The following SGCE variants were observed in gnomAD, a reference collection of about 807,000 sequenced individuals.
SGCE encodes epsilon-sarcoglycan.
In SGCE, 26 loss-of-function variants were observed where a neutral mutation model predicts 57.8. The ratio of observed to expected loss-of-function variants is 0.45; its 90% confidence interval spans 0.33 to 0.62. SGCE has a LOEUF of 0.62. Ranked by LOEUF, SGCE falls within the 20% of genes least tolerant of loss-of-function variation. The pLI, the probability that SGCE is intolerant of heterozygous loss-of-function variation, is 0.02. For missense variants in SGCE, 468 were observed against 548.6 expected (o/e 0.85, Z 1.47); for synonymous variants, 183 against 189.5 (o/e 0.97, Z 0.28).
Position 94,598,963 on chromosome 7 carries a change from G to A in SGCE, c.1065C>T (p.Asp355=), listed in dbSNP as rs886062520. The change falls in exon 9 of 11, where the codon GAC becomes GAT. Residue 355 remains aspartate, a splice_region_variant and synonymous_variant. Coordinates refer to ENST00000648936, the MANE Select transcript of SGCE (RefSeq NM_003919.3). ...GVEKRNMQTP[D]IQLVHHSAIQ... ...TAGCACTGTGATGGACCAGTTGGAT[G>A]CTAGGTCAAAAAGAAATAAAACAAC... 11 of 1,611,938 alleles carry A rather than the reference G, an allele frequency of 6.8e-6. No homozygotes were observed. Among genetic ancestry groups the A allele is most frequent in the Admixed American group, 3.3e-5 (2 of 59,936 alleles).
intron 1 of SGCE, among the ~76,000 whole-genome samples, chr7:94,651,062 C>T (rs1364971611): frequency 6.6e-6 from 1 of 152,178 alleles, no homozygotes; most frequent in East Asian, 1.9e-4. Flanking sequence ...GGACACTATA[C>T]TACTACCAGA....
chr7:94,595,690 TA>T (rs2116639619), intron 9 of SGCE, among the ~76,000 whole-genome samples: 1 of 152,228 alleles, frequency 6.6e-6, no homozygotes, highest in Non-Finnish European at 1.5e-5. Context: ...TTTTAAAACA[TA>T]GCTGTTTTTC....
At chr7:94,623,039 A>G (rs1055729919) in intron 4 of SGCE, among the ~76,000 whole-genome samples, 6 of 152,128 alleles carry the variant, frequency 3.9e-5, no homozygotes, top group Non-Finnish European at 7.4e-5. Context: ...CCCCACACTT[A>G]TAAGAGAAAT....
intron 3 of SGCE, chr7:94,626,178 T>G (rs893600432): frequency 1.3e-5 from 2 of 152,100 alleles, no homozygotes; most frequent in Non-Finnish European, 2.9e-5. Flanking sequence ...TTAGATACTC[T>G]TAGTCAGCTA....
chr7:94,651,939 T>TA (rs1261133865), intron 1 of SGCE, among the ~76,000 whole-genome samples: 1 of 147,416 alleles, frequency 6.8e-6, no homozygotes, highest in Non-Finnish European at 1.5e-5. Flanking sequence ...TCTTTATTAT[T>TA]TTTTTTTTTT....
At chr7:94,585,586 C>A (rs1288302832) in intron 10 of SGCE, 71 bp from the exon 11 acceptor site, 4 of 947,000 alleles carry the variant, frequency 4.2e-6, no homozygotes, top group Non-Finnish European at 7.0e-6. Context: ...TTGAGCAAAG[C>A]AAATTATGGC....
intron 4 of SGCE, chr7:94,620,251 G>A (rs529910590): frequency 2.0e-5 from 3 of 152,184 alleles, no homozygotes; most frequent in East Asian, 1.9e-4. Flanking sequence ...AGAAACTAAC[G>A]CTTCAGAATT....
intron 1 of SGCE, among the ~76,000 whole-genome samples, chr7:94,651,670 C>A (rs544207799): frequency 2.6e-5 from 4 of 152,130 alleles, no homozygotes; most frequent in Non-Finnish European, 5.9e-5. Flanking sequence ...AGAAGGGATA[C>A]AACATCAATG....
rs182827365 is a variant in SGCE at position 94,603,651 on chromosome 7, C to T, written c.663-199G>A. 3.3e-5 allele frequency among the ~76,000 whole-genome samples: 5 copies of T among 152,152 alleles called. No homozygotes were observed. In the East Asian group the frequency reaches 5.8e-4, roughly 18 times the overall value. On this transcript the variant is annotated intron_variant, in intron 5 of 10. Coordinates refer to ENST00000648936, the MANE Select transcript of SGCE (RefSeq NM_003919.3). The stretch of plus-strand genomic sequence containing the variant: ...CATTCCTTTATTCAACCAATATTTA[C>T]TGAGTGCTTTGGTATACCAGATACT...
At chr7:94,628,486 A>G (rs553339656) in intron 2 of SGCE, 127 bp from the exon 3 acceptor site, 1 of 684,342 alleles carries the variant, frequency 1.5e-6, no homozygotes, top group African/African-American at 1.8e-5. Context: ...ATACACACAT[A>G]CAAAACCCAT....
intron 10 of SGCE, among the ~76,000 whole-genome samples, chr7:94,586,128 T>C (rs1454758441): frequency 2.4e-5 from 3 of 127,516 alleles, no homozygotes; most frequent in Non-Finnish European, 4.9e-5. Context: ...AAATTCCATA[T>C]AGGTAGCTAC....
rs1475224565 is a variant in SGCE at position 94,628,365 on chromosome 7, T to A, written c.233-6A>T. On this transcript the variant is annotated splice_region_variant and splice_polypyrimidine_tract_variant and intron_variant, in intron 2 of 10. Transcript: ENST00000648936. ...GGGATCATTACTAATCTCGCCTAGA[T>A]AAGAAACAGAGAATTAAGACATAAG... is the stretch of plus-strand genomic sequence containing the variant. 2 of 1,602,210 alleles carry A rather than the reference T, an allele frequency of 1.2e-6. No homozygotes were observed. The highest frequency in any genetic ancestry group is 2.2e-5 in the East Asian group (1 of 44,762).
intron 5 of SGCE, among the ~76,000 whole-genome samples, chr7:94,610,792 T>G (rs1249756855): frequency 6.6e-6 from 1 of 152,082 alleles, no homozygotes; most frequent in Non-Finnish European, 1.5e-5. Context: ...ATAAAAACTC[T>G]TACAACTTAA....
intron 4 of SGCE, 74 bp from the exon 5 acceptor site, chr7:94,619,030 G>A: frequency 9.3e-7 from 1 of 1,078,268 alleles, no homozygotes; most frequent in Non-Finnish European, 1.4e-6. Flanking sequence ...AGAACAATTT[G>A]CGATTTGTTG....
rs148483382 is a variant in SGCE, at chr7:94,629,808, C to T, written c.143G>A (p.Arg48Gln). The change falls in exon 2 of 11, where the codon CGG becomes CAG. Residue 48 changes from arginine to glutamine, a missense_variant. Physicochemically the swap from Arg to Gln is conservative, Grantham distance 43 (BLOSUM62 1). Coordinates refer to ENST00000648936, the MANE Select transcript of SGCE (RefSeq NM_003919.3). Reference protein sequence around the residue: ...YSIFSKVHSDRNVYPSAGVLF... With the variant: ...YSIFSKVHSDQNVYPSAGVLF... The stretch of plus-strand genomic sequence containing the variant: ...GACACCTGCTGATGGGTATACATTC[C>T]GATCGGAGTGTACCTTGGAGAAAAT... 1.9e-5 allele frequency: 30 copies of T among 1,610,754 alleles called. No individual in the cohort carries two copies. The highest frequency in any genetic ancestry group is 4.5e-5 in the East Asian group (2 of 44,762).
chr7:94,645,502 A>G (rs1806930400), intron 1 of SGCE, among the ~76,000 whole-genome samples: 2 of 152,218 alleles, frequency 1.3e-5, no homozygotes, highest in Admixed American at 6.5e-5. Context: ...GATAATCCTA[A>G]AAGAAATGTT....
chr7:94,629,968 C>A, intron 1 of SGCE, 127 bp from the exon 2 acceptor site: 2 of 1,047,714 alleles, frequency 1.9e-6, no homozygotes, highest in Non-Finnish European at 2.8e-6. Context: ...ACTGAAGCAA[C>A]ATGCAAGGAA....
chr7:94,655,935 G>C, intron 1 of SGCE, 55 bp downstream of exon 1: 1 of 1,147,636 alleles, frequency 8.7e-7, no homozygotes, highest in East Asian at 2.4e-5. Context: ...GCGGGGGAGG[G>C]GGAGGCGGCG....
chr7:94,656,016 G>T lies in SGCE; in HGVS notation c.83C>A (p.Ala28Glu). The T allele has an allele frequency of 6.2e-7, 1 of 1,611,228 alleles. No homozygotes were observed. The change falls in exon 1 of 11, where the codon GCG becomes GAG. Residue 28 changes from alanine to glutamate, a missense_variant. Coordinates refer to ENST00000648936, the MANE Select transcript of SGCE (RefSeq NM_003919.3). Reference protein sequence around the residue: ...QGRGTRRMSPATTGTFLLTVY... With the variant: ...QGRGTRRMSPETTGTFLLTVY... ...TGTCAGCAAGAATGTGCCAGTGGTC[G>T]CGGGGCTCATCCTGCGTGTCCCCCG...
Sources: allele counts gnomAD v4.1 joint callset (sites outside exome capture counted in the v4.1 genomes callset), GRCh38; gene constraint gnomAD v4.1.1; transcripts MANE v1.5; gene names NCBI Gene and HGNC (gene_info 2026-07-23, HGNC 2026-07-21).